The following MARCHF1 variants were observed in gnomAD, a reference collection of about 807,000 sequenced individuals.
MARCHF1 encodes membrane associated ring-CH-type finger 1, also known as E3 ubiquitin-protein ligase MARCHF1.
Under a neutral mutation model 54.2 loss-of-function variants are expected in MARCHF1, and 40 were observed. That is an observed-to-expected ratio of 0.74 (90% CI 0.57 to 0.96). MARCHF1 has a LOEUF of 0.96. Among genes scored for constraint, MARCHF1 ranks in the 40% least tolerant of loss-of-function variants. The pLI, the probability that MARCHF1 is intolerant of heterozygous loss-of-function variation, is 0.00. For synonymous variants in MARCHF1, 236 were observed against 236.3 expected, an observed-to-expected ratio of 1.00 and a Z score of 0.01; for missense variants, 586 against 656.5, an observed-to-expected ratio of 0.89 and a Z score of 1.17.
chr4:164,063,336 ATC>A (rs753188499), intron 2 of MARCHF1, among the ~76,000 whole-genome samples: 1 of 152,212 alleles, frequency 6.6e-6, no homozygotes, highest in Non-Finnish European at 1.5e-5. Flanking sequence ...TACATTAAAT[ATC>A]TGTTGTTTAG....
chr4:163,819,343 A>T (rs1748629315), intron 4 of MARCHF1, among the ~76,000 whole-genome samples: 1 of 151,990 alleles, frequency 6.6e-6, no homozygotes. Flanking sequence ...TGTTTTTCTC[A>T]TTCCATTTGG....
At chr4:163,984,399 G>A (rs1029735518) in intron 3 of MARCHF1, among the ~76,000 whole-genome samples, 9 of 152,168 alleles carry the variant, frequency 5.9e-5, no homozygotes, top group African/African-American at 2.2e-4. Flanking sequence ...AGGATCAGAA[G>A]CAAATAACTC....
At chr4:164,096,356 G>T (rs2111144465) in intron 2 of MARCHF1, among the ~76,000 whole-genome samples, 1 of 152,158 alleles carries the variant, frequency 6.6e-6, no homozygotes, top group East Asian at 1.9e-4. Context: ...ATAAATGGAA[G>T]CTAAATCTTG....
At chr4:163,601,844 T>G (rs1740982095) in intron 7 of MARCHF1, among the ~76,000 whole-genome samples, 1 of 152,062 alleles carries the variant, frequency 6.6e-6, no homozygotes, top group Non-Finnish European at 1.5e-5. Context: ...TACATGCTAT[T>G]TCTAAAAATT....
Position 164,340,405 on chromosome 4 carries a change from T to TTATATATATATATA in MARCHF1, c.-323+43464_-323+43465insTATATATATATATA, listed in dbSNP as rs1554002572. Among the ~76,000 whole-genome samples the TTATATATATATATA allele has an allele frequency of 7.7e-4, 74 of 95,630 alleles. 2 individuals are homozygous for TTATATATATATATA. The highest frequency in any genetic ancestry group is 2.1e-3 in the South Asian group (6 of 2,802). The allele number at this position is 95,630 out of a possible 152,430, so 62.7% of individuals were successfully genotyped here. On this transcript the variant is annotated intron_variant, in intron 1 of 9. Transcript: ENST00000514618. ...ACAGCACATGCCACCAGGCCTTGAT[T>TTATATATATATATA]TATATATAGATATATATATATATAT...
At chr4:163,782,375 T>A (rs1579282815) in intron 4 of MARCHF1, among the ~76,000 whole-genome samples, 4 of 152,134 alleles carry the variant, frequency 2.6e-5, no homozygotes, top group African/African-American at 9.6e-5. Flanking sequence ...GAGTCCTTAT[T>A]GAAAGGTCCA....
At chr4:163,984,731 T>G (rs1752828298) in intron 3 of MARCHF1, among the ~76,000 whole-genome samples, 1 of 152,178 alleles carries the variant, frequency 6.6e-6, no homozygotes, top group Non-Finnish European at 1.5e-5. Flanking sequence ...ACAGATGTCT[T>G]TTAGACCCAA....
intron 2 of MARCHF1, among the ~76,000 whole-genome samples, chr4:164,039,695 T>C (rs1005948946): frequency 2.0e-5 from 3 of 151,984 alleles, no homozygotes; most frequent in African/African-American, 7.2e-5. Context: ...AAAAAAAGCA[T>C]AGACATGTCA....
chr4:163,537,635 G>T (rs1327999960), intron 9 of MARCHF1, among the ~76,000 whole-genome samples: 1 of 152,122 alleles, frequency 6.6e-6, no homozygotes, highest in Non-Finnish European at 1.5e-5. Context: ...TAAACTCTCT[G>T]CCCATCTTTA....
At chr4:163,987,209 G>A (rs1318388284) in intron 3 of MARCHF1, among the ~76,000 whole-genome samples, 2 of 152,258 alleles carry the variant, frequency 1.3e-5, no homozygotes, top group East Asian at 3.9e-4. Flanking sequence ...AGCATTCTGG[G>A]CTGCTGAAGT....
At chr4:164,013,048 G>T (rs1438161081) in intron 2 of MARCHF1, among the ~76,000 whole-genome samples, 1 of 152,112 alleles carries the variant, frequency 6.6e-6, no homozygotes, top group African/African-American at 2.4e-5. Context: ...ACACACAAAA[G>T]AAGGCACTAG....
chr4:164,369,578 G>A (rs913025145), intron 1 of MARCHF1, among the ~76,000 whole-genome samples: 6 of 151,048 alleles, frequency 4.0e-5, no homozygotes, highest in African/African-American at 7.3e-5. Context: ...ACCCTTCTTC[G>A]AAAAAAAAGT....
intron 5 of MARCHF1, among the ~76,000 whole-genome samples, chr4:163,624,968 T>G (rs1453605172): frequency 6.6e-6 from 1 of 152,210 alleles, no homozygotes; most frequent in African/African-American, 2.4e-5. Context: ...AAGGCTTCAG[T>G]GGTTTCTCGT....
intron 4 of MARCHF1, among the ~76,000 whole-genome samples, chr4:163,715,541 G>A (rs1481367479): frequency 1.3e-5 from 2 of 152,096 alleles, no homozygotes; most frequent in Non-Finnish European, 2.9e-5. Flanking sequence ...TTTCTTTTGT[G>A]TATTTGTGCT....
At chr4:164,380,798 A>C (rs867909263) in intron 1 of MARCHF1, among the ~76,000 whole-genome samples, 2 of 152,214 alleles carry the variant, frequency 1.3e-5, no homozygotes, top group South Asian at 2.1e-4. Flanking sequence ...CCAAGGTTTT[A>C]CTGACCAATT....
At chr4:163,999,856 C>G (rs547386475) in intron 2 of MARCHF1, among the ~76,000 whole-genome samples, 36 of 151,792 alleles carry the variant, frequency 2.4e-4, no homozygotes, top group Admixed American at 1.3e-3. Context: ...AGGAAACTAA[C>G]TTGCCCAAGG....
At chr4:164,274,658 A>AAT (rs1733826345) in intron 1 of MARCHF1, among the ~76,000 whole-genome samples, 8 of 44,926 alleles carry the variant, frequency 1.8e-4, no homozygotes, top group African/African-American at 1.3e-3. Context: ...TTCAGGGTAC[A>AAT]CTTTTTTTTT....
rs1327005165 is a variant in MARCHF1, at chr4:164,340,405, T to TTTTATATATATATATA, written c.-323+43464_-323+43465insTATATATATATATAAA. ...ACAGCACATGCCACCAGGCCTTGAT[T>TTTTATATATATATATA]TATATATAGATATATATATATATAT... On this transcript the variant is annotated intron_variant, in intron 1 of 9. Transcript: ENST00000514618. Among the ~76,000 whole-genome samples the TTTTATATATATATATA allele has an allele frequency of 8.3e-3, 790 of 95,484 alleles. 95 individuals are homozygous for TTTTATATATATATATA. Among genetic ancestry groups the TTTTATATATATATATA allele is most frequent in the Non-Finnish European group, 0.012 (550 of 45,862 alleles). 62.6% of individuals were successfully genotyped at this position (95,484 alleles called of 152,430 possible). A position where few individuals can be genotyped will look rare whatever the true frequency, so the allele number is the denominator to read the frequency against.
chr4:163,695,706 C>T (rs1026252094), intron 5 of MARCHF1, among the ~76,000 whole-genome samples: 4 of 152,098 alleles, frequency 2.6e-5, no homozygotes, highest in African/African-American at 4.8e-5. Flanking sequence ...AAAGAAAATT[C>T]TGTTGACTTG....
Sources: gnomAD v4.1 joint callset for allele counts (sites outside exome capture counted in the v4.1 genomes callset) on GRCh38, gnomAD v4.1.1 for gene constraint, MANE v1.5 for transcripts, NCBI Gene and HGNC (gene_info 2026-07-23, HGNC 2026-07-21) for gene names.